GYPC: variants seen among roughly 807,000 people sequenced by gnomAD.
GYPC encodes the protein glycophorin C (Gerbich blood group).
Under a neutral mutation model 12.6 loss-of-function variants are expected in GYPC, and 14 were observed. That is an observed-to-expected ratio of 1.11 (90% CI 0.74 to 1.74). GYPC has a LOEUF of 1.74. Ranked by LOEUF, GYPC falls within the 40% of genes most tolerant of loss-of-function variation. The probability of loss-of-function intolerance (pLI) is 0.00; values close to 1 mark genes in which losing one functional copy is unlikely to be tolerated. For synonymous variants in GYPC, 78 were observed against 62.1 expected (o/e 1.26, Z -1.20); for missense variants, 225 against 172.1 (o/e 1.31, Z -1.72).
chr2:126,659,785 T>C (rs1219811703), intron 1 of GYPC, among the ~76,000 whole-genome samples: 3 of 148,840 alleles, frequency 2.0e-5, no homozygotes, highest in African/African-American at 4.9e-5. Flanking sequence ...CTTTTCTTTT[T>C]TTTTTTTTTT....
chr2:126,683,550 G>C (rs191380574), intron 1 of GYPC, among the ~76,000 whole-genome samples: 1 of 152,032 alleles, frequency 6.6e-6, no homozygotes, highest in Non-Finnish European at 1.5e-5. Flanking sequence ...TCACAAGGGA[G>C]AAAAAGCACT....
At chr2:126,691,638 C>A (rs978968560) in intron 2 of GYPC, among the ~76,000 whole-genome samples, 3 of 152,146 alleles carry the variant, frequency 2.0e-5, no homozygotes, top group African/African-American at 7.2e-5. Context: ...ACCAGCTCTG[C>A]CCTGTTTTCT....
intron 1 of GYPC, among the ~76,000 whole-genome samples, chr2:126,671,238 A>T (rs1254238486): frequency 6.6e-6 from 1 of 151,590 alleles, no homozygotes; most frequent in African/African-American, 2.4e-5. Context: ...CCCTCCTCCT[A>T]CCTCCTCTGG....
chr2:126,695,703 T>G (rs1683621001), intron 3 of GYPC, among the ~76,000 whole-genome samples: 2 of 152,218 alleles, frequency 1.3e-5, no homozygotes. Flanking sequence ...TGAGCCTGCT[T>G]AAGGTAGGCT....
At position 126,696,095 on chromosome 2, in the gene GYPC, G is replaced by A; in HGVS notation, c.340G>A (p.Ala114Thr). The A allele has an allele frequency of 5.0e-6, 8 of 1,614,138 alleles. No individual in the cohort carries two copies. Among genetic ancestry groups the A allele is most frequent in the Non-Finnish European group, 6.8e-6 (8 of 1,179,984 alleles). ...SADAALQGDP[A>T]LQDAGDSSRK... ...AGATGCAGCCCTGCAGGGAGACCCT[G>A]CCCTCCAAGATGCTGGTGATAGCAG... The change falls in exon 4 of 4, where the codon GCC becomes ACC. Residue 114 changes from alanine to threonine, a missense_variant. Coordinates refer to ENST00000259254, the MANE Select transcript of GYPC (RefSeq NM_002101.5).
chr2:126,659,845 G>A (rs571611836), intron 1 of GYPC, among the ~76,000 whole-genome samples: 16 of 146,682 alleles, frequency 1.1e-4, no homozygotes, highest in African/African-American at 4.1e-4. Context: ...GCAGTGGTGT[G>A]ATCTCAGGTC....
chr2:126,692,201 C>T (rs1320703857), intron 2 of GYPC, among the ~76,000 whole-genome samples: 4 of 152,082 alleles, frequency 2.6e-5, no homozygotes, highest in African/African-American at 7.2e-5. Flanking sequence ...TGGTTCCTGG[C>T]TCCCGAGACC....
At chr2:126,683,992 G>T (rs1246031799) in intron 1 of GYPC, among the ~76,000 whole-genome samples, 2 of 152,254 alleles carry the variant, frequency 1.3e-5, no homozygotes, top group African/African-American at 4.8e-5. Context: ...AGCCTGCGTG[G>T]GTCCAATTCT....
At chr2:126,689,437 G>T (rs540118253) in intron 1 of GYPC, among the ~76,000 whole-genome samples, 1 of 152,146 alleles carries the variant, frequency 6.6e-6, no homozygotes, top group African/African-American at 2.4e-5. Flanking sequence ...CTATGGTTTG[G>T]ATGTGGTTTG....
intron 2 of GYPC, among the ~76,000 whole-genome samples, chr2:126,692,949 G>C (rs546140822): frequency 7.2e-5 from 11 of 152,192 alleles, no homozygotes; most frequent in Non-Finnish European, 1.5e-4. Context: ...CTTCCTGTGA[G>C]ATGGGCCATT....
At chr2:126,666,734 C>T in intron 1 of GYPC, among the ~76,000 whole-genome samples, 1 of 150,000 alleles carries the variant, frequency 6.7e-6, no homozygotes, top group Admixed American at 6.7e-5. Flanking sequence ...CACACACACA[C>T]ACACACACAC....
In GYPC at chr2:126,696,267, T is replaced by G; in HGVS notation, c.*125T>G. On this transcript the variant is annotated 3_prime_UTR_variant, in exon 4 of 4. Transcript: ENST00000259254. ...AGAGAGCACTTGATTCTTCCCGAGATAGCCACCTGGAAACACTAGGTGCCT... is the reference window on the plus strand; with the variant it reads ...AGAGAGCACTTGATTCTTCCCGAGAGAGCCACCTGGAAACACTAGGTGCCT... The G allele has an allele frequency of 1.3e-6, 1 of 785,144 alleles. No individual in the cohort carries two copies. Among genetic ancestry groups the G allele is most frequent in the Non-Finnish European group, 2.2e-6 (1 of 454,326 alleles). The allele number at this position is 785,144 out of a possible 1,614,324, so 48.6% of individuals were successfully genotyped here.
intron 1 of GYPC, among the ~76,000 whole-genome samples, chr2:126,674,623 G>T (rs1332731208): frequency 6.6e-6 from 1 of 152,212 alleles, no homozygotes; most frequent in Non-Finnish European, 1.5e-5. Context: ...CCATGTGACG[G>T]CACTGAGCCT....
chr2:126,677,284 TGTGA>T (rs577240783), intron 1 of GYPC, among the ~76,000 whole-genome samples: 77 of 151,810 alleles, frequency 5.1e-4, no homozygotes, highest in African/African-American at 1.7e-3. Context: ...TGTGAGAGTG[TGTGA>T]GTGTGTTAGA....
intron 1 of GYPC, among the ~76,000 whole-genome samples, chr2:126,672,683 T>A (rs1213277157): frequency 6.6e-6 from 1 of 151,918 alleles, no homozygotes; most frequent in Non-Finnish European, 1.5e-5. Flanking sequence ...AGCAACCTTC[T>A]CCCCTCAGGG....
chr2:126,681,163 T>A (rs1419250209), intron 1 of GYPC, among the ~76,000 whole-genome samples: 10 of 152,220 alleles, frequency 6.6e-5, no homozygotes, highest in African/African-American at 2.4e-4. Context: ...TAAAAGCCGG[T>A]ACTTAACATT....
At chr2:126,667,175 G>A (rs1682706903) in intron 1 of GYPC, among the ~76,000 whole-genome samples, 1 of 152,164 alleles carries the variant, frequency 6.6e-6, no homozygotes, top group Non-Finnish European at 1.5e-5. Flanking sequence ...AGAGGATTTA[G>A]AGATACGTGG....
chr2:126,665,738 C>T (rs931216300), intron 1 of GYPC, among the ~76,000 whole-genome samples: 7 of 152,224 alleles, frequency 4.6e-5, no homozygotes, highest in Admixed American at 4.6e-4. Context: ...CCCACTCTGC[C>T]CTGCTCCGCA....
At chr2:126,694,860 C>T (rs1376719264) in intron 3 of GYPC, among the ~76,000 whole-genome samples, 2 of 151,798 alleles carry the variant, frequency 1.3e-5, no homozygotes, top group African/African-American at 4.8e-5. Context: ...CACCCCCACC[C>T]CATGAGACTG....
Sources: gnomAD v4.1 joint callset for allele counts (sites outside exome capture counted in the v4.1 genomes callset) on GRCh38, gnomAD v4.1.1 for gene constraint, MANE v1.5 for transcripts, NCBI Gene and HGNC (gene_info 2026-07-23, HGNC 2026-07-21) for gene names.